NUDT3: variants seen among roughly 807,000 people sequenced by gnomAD.
The protein encoded by NUDT3 is diphosphoinositol polyphosphate phosphohydrolase 1.
In NUDT3, 9 loss-of-function variants were observed where a neutral mutation model predicts 23.6. That is an observed-to-expected ratio of 0.38 (90% CI 0.23 to 0.66). The LOEUF is 0.66. NUDT3 is among the 30% of genes least tolerant of loss of function. The probability of loss-of-function intolerance (pLI) is 0.52; values close to 1 mark genes in which losing one functional copy is unlikely to be tolerated. For synonymous variants in NUDT3, 86 were observed against 82.6 expected (o/e 1.04, Z -0.22); for missense variants, 172 against 218.5 (o/e 0.79, Z 1.34).
At chr6:34,343,502 C>T (rs1764319657) in intron 1 of NUDT3, among the ~76,000 whole-genome samples, 1 of 151,476 alleles carries the variant, frequency 6.6e-6, no homozygotes, top group African/African-American at 2.4e-5. Flanking sequence ...GATCAAGCCA[C>T]TGTATTCCAG....
intron 1 of NUDT3, among the ~76,000 whole-genome samples, chr6:34,374,661 A>T (rs533200994): frequency 5.9e-5 from 9 of 152,132 alleles, no homozygotes; most frequent in African/African-American, 1.9e-4. Context: ...CTACTCCTCC[A>T]TTTCTAAAGC....
chr6:34,319,765 T>C (rs191125594), intron 2 of NUDT3, among the ~76,000 whole-genome samples: 86 of 152,252 alleles, frequency 5.6e-4, no homozygotes, highest in Non-Finnish European at 1.1e-3. Context: ...CTCTAACATA[T>C]GGGGTATGAC....
chr6:34,358,302 T>C (rs1764595689), intron 1 of NUDT3, among the ~76,000 whole-genome samples: 1 of 147,898 alleles, frequency 6.8e-6, no homozygotes, highest in Admixed American at 6.7e-5. Flanking sequence ...CCCCTTATAA[T>C]TTCTACAGGA....
chr6:34,351,286 G>C (rs1764471996), intron 1 of NUDT3, among the ~76,000 whole-genome samples: 1 of 143,224 alleles, frequency 7.0e-6, no homozygotes, highest in African/African-American at 2.7e-5. Flanking sequence ...ACCAGTCTGG[G>C]CAATATGGAG....
Position 34,296,153 on chromosome 6 carries a change from C to T in NUDT3, c.211-468G>A, listed in dbSNP as rs1035230025. ...TCATGGCAGCATGTGGCTATAGTCC[C>T]AGCTACTGGGGAGGCTAAGGTGAGA... On this transcript the variant is annotated intron_variant, in intron 2 of 4. Coordinates refer to ENST00000607016, the MANE Select transcript of NUDT3 (RefSeq NM_006703.4). Among the ~76,000 whole-genome samples the T allele has an allele frequency of 2.6e-5, 4 of 152,206 alleles. No homozygotes were observed. The East Asian group carries it at 7.7e-4, about 29-fold the overall frequency.
chr6:34,327,656 G>T (rs769061278), intron 2 of NUDT3, among the ~76,000 whole-genome samples: 1 of 152,164 alleles, frequency 6.6e-6, no homozygotes, highest in African/African-American at 2.4e-5. Context: ...GACAAGGAGC[G>T]TGACCACTGA....
chr6:34,340,880 G>A (rs945704721), intron 2 of NUDT3, among the ~76,000 whole-genome samples: 27 of 152,224 alleles, frequency 1.8e-4, no homozygotes, highest in African/African-American at 6.3e-4. Flanking sequence ...ATAAGCCAAT[G>A]TAAGTGTAGG....
chr6:34,288,938 A>C lies in NUDT3; in HGVS notation c.341-7T>G. ...AACCATTCCCTCTTCCTTCCTGTGG[A>C]GGCAGAGAGAAAAGAAACTAGTACA... On this transcript the variant is annotated splice_polypyrimidine_tract_variant and splice_region_variant and intron_variant, in intron 4 of 4. Transcript: ENST00000607016. The C allele has an allele frequency of 6.3e-7, 1 of 1,593,024 alleles. No individual in the cohort carries two copies. The highest frequency in any genetic ancestry group is 1.1e-5 in the South Asian group (1 of 87,752).
chr6:34,300,397 T>TG (rs1204975030), intron 2 of NUDT3, among the ~76,000 whole-genome samples: 2 of 152,080 alleles, frequency 1.3e-5, no homozygotes, highest in African/African-American at 4.8e-5. Flanking sequence ...TCTGTCCAGG[T>TG]GGGGGTTGTG....
chr6:34,294,707 C>A (rs1315361442), intron 3 of NUDT3, among the ~76,000 whole-genome samples: 1 of 148,840 alleles, frequency 6.7e-6, no homozygotes, highest in East Asian at 2.0e-4. Flanking sequence ...GCCTGGGTGA[C>A]AGAGCAAGAC....
chr6:34,346,676 A>G (rs1010718742), intron 1 of NUDT3, among the ~76,000 whole-genome samples: 3 of 152,120 alleles, frequency 2.0e-5, no homozygotes, highest in Non-Finnish European at 4.4e-5. Context: ...CAAAGCAAAC[A>G]CTGTTACTGG....
At position 34,347,168 on chromosome 6, in the gene NUDT3, T is replaced by G. The variant is rs147095256; in HGVS notation, c.100-5196A>C. On this transcript the variant is annotated intron_variant, in intron 1 of 4. Transcript: ENST00000607016. ...TAAATTCTTATTCTGAAGTTTGATT[T>G]TGACATATACAATTATCTGAAAAGA... 4.5e-4 allele frequency among the ~76,000 whole-genome samples: 69 copies of G among 152,340 alleles called. 1 individual carries two copies. The East Asian group carries it at 0.011, about 25-fold the overall frequency.
intron 1 of NUDT3, among the ~76,000 whole-genome samples, chr6:34,390,336 C>T (rs1262748411): frequency 1.3e-5 from 2 of 151,528 alleles, no homozygotes; most frequent in African/African-American, 2.4e-5. Context: ...AAGGCAAGTC[C>T]TATGCCTGGT....
intron 1 of NUDT3, among the ~76,000 whole-genome samples, chr6:34,390,985 T>A (rs937892992): frequency 6.6e-6 from 1 of 152,182 alleles, no homozygotes; most frequent in East Asian, 1.9e-4. Flanking sequence ...CAATATATGG[T>A]AGGATACAAA....
intron 1 of NUDT3, among the ~76,000 whole-genome samples, chr6:34,362,058 C>T (rs1434491601): frequency 6.6e-6 from 1 of 152,138 alleles, no homozygotes; most frequent in Non-Finnish European, 1.5e-5. Flanking sequence ...GTTCAGGATG[C>T]TGATAGTGAG....
chr6:34,297,760 A>ATATATATATATATTTTTTTT (rs1763535832), intron 2 of NUDT3, among the ~76,000 whole-genome samples: 4 of 53,622 alleles, frequency 7.5e-5, no homozygotes, highest in Admixed American at 5.2e-4. Flanking sequence ...TATATATATA[A>ATATATATATATATTTTTTTT]TTTTTTTTTT....
chr6:34,306,016 A>C, intron 2 of NUDT3, among the ~76,000 whole-genome samples: 1 of 152,150 alleles, frequency 6.6e-6, no homozygotes, highest in Non-Finnish European at 1.5e-5. Context: ...CTTCTCTCTC[A>C]ACATATCTAT....
intron 1 of NUDT3, among the ~76,000 whole-genome samples, chr6:34,342,661 AC>A (rs1183793918): frequency 6.6e-6 from 1 of 151,978 alleles, no homozygotes; most frequent in African/African-American, 2.4e-5. Context: ...TTCCTTACTT[AC>A]CCCTCTCTGT....
intron 2 of NUDT3, among the ~76,000 whole-genome samples, chr6:34,335,632 A>C (rs1764196652): frequency 6.6e-6 from 1 of 151,918 alleles, no homozygotes; most frequent in African/African-American, 2.4e-5. Context: ...AAATCTTAAG[A>C]AGCTTATATA....
Sources: gnomAD v4.1 joint callset for allele counts (sites outside exome capture counted in the v4.1 genomes callset) on GRCh38, gnomAD v4.1.1 for gene constraint, MANE v1.5 for transcripts, NCBI Gene and HGNC (gene_info 2026-07-23, HGNC 2026-07-21) for gene names.